NF1: variants seen among roughly 807,000 people sequenced by gnomAD.
NF1 encodes neurofibromin.
A neutral mutation model predicts 325.7 loss-of-function variants in NF1; 122 were observed. The ratio of observed to expected loss-of-function variants is 0.37; its 90% CI spans 0.32 to 0.44. The LOEUF (loss-of-function observed/expected upper bound fraction) is 0.44. Ranked by LOEUF, NF1 falls within the 20% of genes least tolerant of loss-of-function variation. The pLI, the probability that NF1 is intolerant of heterozygous loss-of-function variation, is 1.00. For missense variants in NF1, 2,140 were observed against 3,415.4 expected (o/e 0.63, Z 9.31); for synonymous variants, 1,091 against 1,186.0 (o/e 0.92, Z 1.65).
At position 31,337,401 on chromosome 17, in the gene NF1, C is replaced by T. The variant is rs876658495; in HGVS notation, c.6461C>T (p.Thr2154Ile). ...ETKQVLRLSL[T>I]EFSLPKFYLL... ...AAGCAAGTTTTGAGACTCAGTCTGA[C>T]AGAGTTCTCATTACCCAAATTTTAC... Residue 2154 changes from threonine (T) to isoleucine (I), a missense_variant, in exon 43 of 58, where the codon ACA becomes ATA. By Grantham distance (89) the Thr-to-Ile change is moderately conservative. Around this residue, in one of 10 missense-constraint regions of NF1, gnomAD observed 180 missense variants for 435.1 expected, o/e 0.41. Coordinates refer to ENST00000358273, the MANE Select transcript of NF1 (RefSeq NM_001042492.3). 6.2e-7 allele frequency: 1 copy of T among 1,614,112 alleles called. No homozygotes were observed. Among genetic ancestry groups the T allele is most frequent in the Non-Finnish European group, 8.5e-7 (1 of 1,179,970 alleles).
chr17:31,182,405 T>A, intron 7 of NF1, 103 bp from the exon 8 acceptor site: 2 of 1,093,486 alleles, frequency 1.8e-6, no homozygotes, highest in Non-Finnish European at 2.7e-6. Flanking sequence ...TGTTTATCTT[T>A]TAAAAATGTT....
chr17:31,155,811 T>C (rs2065649858), intron 1 of NF1, among the ~76,000 whole-genome samples, 172 bp from the exon 2 acceptor site: 1 of 152,224 alleles, frequency 6.6e-6, no homozygotes, highest in Admixed American at 6.5e-5. Context: ...TGTACATATC[T>C]GTGTATCATA....
At chr17:31,140,765 C>T (rs1047521029) in intron 1 of NF1, among the ~76,000 whole-genome samples, 2 of 152,270 alleles carry the variant, frequency 1.3e-5, no homozygotes, top group African/African-American at 4.8e-5. Context: ...TACAATGGAA[C>T]GTTATTCAGC....
chr17:31,302,646 C>T (rs2068601692), intron 36 of NF1, among the ~76,000 whole-genome samples: 1 of 151,898 alleles, frequency 6.6e-6, no homozygotes, highest in Non-Finnish European at 1.5e-5. Flanking sequence ...TCAAGACCAG[C>T]CTGGCCAATA....
At position 31,235,904 on chromosome 17, in the gene NF1, G is replaced by A. The variant is rs371895592; in HGVS notation, c.3871-14G>A. On this transcript the variant is annotated splice_polypyrimidine_tract_variant and intron_variant, in intron 28 of 57. Transcript: ENST00000358273. ...GAGCAGGTATAATAAACTCCTATTC[G>A]TGCATTTCTGTAGGTATATGGTGCT... 48 of 1,610,250 alleles carry A rather than the reference G, an allele frequency of 3.0e-5. No homozygotes were observed. Among genetic ancestry groups the A allele is most frequent in the Middle Eastern group, 1.6e-4 (1 of 6,076 alleles).
At chr17:31,135,591 G>C (rs1019039502) in intron 1 of NF1, among the ~76,000 whole-genome samples, 2 of 151,672 alleles carry the variant, frequency 1.3e-5, no homozygotes, top group Non-Finnish European at 2.9e-5. Flanking sequence ...TTTGAAACAG[G>C]GGTCTTTCTC....
intron 57 of NF1, chr17:31,367,153 A>G: frequency 1.1e-6 from 1 of 892,772 alleles, no homozygotes; most frequent in Non-Finnish European, 1.6e-6. Context: ...CTAGTATCTA[A>G]TTGTATTTCA....
In NF1 at chr17:31,173,619, G is replaced by C. The variant is rs187313335; in HGVS notation, c.586+3622G>C. On this transcript the variant is annotated intron_variant, in intron 5 of 57. Transcript: ENST00000358273. ...ATCTAAAAAAAAAAAAAAAGAAATG[G>C]AATACATAGCATTTGATAGTCAATT... is the stretch of plus-strand genomic sequence containing the variant. 3.4e-3 allele frequency among the ~76,000 whole-genome samples: 505 copies of C among 150,552 alleles called. 3 individuals carry two copies. Among genetic ancestry groups the C allele is most frequent in the African/African-American group, 0.012 (473 of 40,996 alleles).
At chr17:31,104,483 C>A (rs1912671570) in intron 1 of NF1, among the ~76,000 whole-genome samples, 1 of 152,096 alleles carries the variant, frequency 6.6e-6, no homozygotes, top group East Asian at 1.9e-4. Context: ...GGGATCAATA[C>A]CGAAGCAGAA....
intron 1 of NF1, among the ~76,000 whole-genome samples, chr17:31,144,112 T>C (rs1259151191): frequency 1.3e-5 from 2 of 152,148 alleles, no homozygotes; most frequent in African/African-American, 2.4e-5. Context: ...CTTGAGCCAC[T>C]GCGCCTGGCC....
intron 36 of NF1, among the ~76,000 whole-genome samples, chr17:31,313,349 T>C (rs1334721649): frequency 6.6e-6 from 1 of 152,238 alleles, no homozygotes; most frequent in African/African-American, 2.4e-5. Context: ...GTTCTATTTC[T>C]AACCCTTAGC....
intron 1 of NF1, among the ~76,000 whole-genome samples, chr17:31,154,732 C>CTTTTTTTTTTTTTTTTTT (rs71142026): frequency 4.8e-5 from 5 of 103,404 alleles, no homozygotes; most frequent in African/African-American, 1.1e-4. Flanking sequence ...TTAGTATTTC[C>CTTTTTTTTTTTTTTTTTT]TTTTTTTTTT....
chr17:31,193,577 A>G (rs554912066), intron 8 of NF1, among the ~76,000 whole-genome samples: 1 of 152,332 alleles, frequency 6.6e-6, no homozygotes, highest in East Asian at 1.9e-4. Context: ...TGAAAAGACA[A>G]CCTACAGGAT....
At chr17:31,244,549 A>T (rs963789855) in intron 29 of NF1, among the ~76,000 whole-genome samples, 1 of 152,136 alleles carries the variant, frequency 6.6e-6, no homozygotes, top group African/African-American at 2.4e-5. Flanking sequence ...ATCCTTGAGC[A>T]CCAGCTGAGC....
intron 1 of NF1, among the ~76,000 whole-genome samples, chr17:31,127,596 T>TC (rs1217151857): frequency 1.3e-5 from 2 of 150,686 alleles, no homozygotes; most frequent in African/African-American, 4.9e-5. Context: ...CTTTATACTT[T>TC]TTTTTTTTTT....
intron 14 of NF1, among the ~76,000 whole-genome samples, chr17:31,220,428 T>A (rs1259452930): frequency 1.3e-5 from 2 of 152,186 alleles, no homozygotes; most frequent in Non-Finnish European, 2.9e-5. Flanking sequence ...TTTATGCAAA[T>A]AATTCAATTT....
intron 1 of NF1, among the ~76,000 whole-genome samples, chr17:31,115,559 T>C (rs1913829582): frequency 6.6e-6 from 1 of 152,220 alleles, no homozygotes; most frequent in Non-Finnish European, 1.5e-5. Flanking sequence ...GAAAACAATA[T>C]TGTATATTGC....
At chr17:31,159,802 C>G (rs1265190666) in intron 3 of NF1, among the ~76,000 whole-genome samples, 3 of 152,118 alleles carry the variant, frequency 2.0e-5, no homozygotes, top group African/African-American at 7.2e-5. Flanking sequence ...TTTTAATGAT[C>G]TGCCTAATCC....
chr17:31,308,530 C>G (rs1281404687), intron 36 of NF1, among the ~76,000 whole-genome samples: 2 of 152,164 alleles, frequency 1.3e-5, no homozygotes, highest in Admixed American at 6.5e-5. Context: ...AACTTCTTAT[C>G]CAGCCAAATG....
Sources: allele counts gnomAD v4.1 joint callset (sites outside exome capture counted in the v4.1 genomes callset), GRCh38; gene constraint gnomAD v4.1.1; regional missense constraint gnomAD v4.1.1; transcripts MANE v1.5; gene names NCBI Gene and HGNC (gene_info 2026-07-23, HGNC 2026-07-21).